Variants in BCL9L observed in about 807,000 individuals in gnomAD.
BCL9L encodes BCL9 like, also known as B-cell CLL/lymphoma 9-like protein.
BCL9L carries 19 observed loss-of-function variants against 99.4 expected under a neutral mutation model. That is an observed-to-expected ratio of 0.19 (90% CI 0.13 to 0.28). The LOEUF (loss-of-function observed/expected upper bound fraction) is 0.28. Among genes scored for constraint, BCL9L ranks in the 10% least tolerant of loss-of-function variants. The pLI is 1.00. For missense variants in BCL9L, 2,023 were observed against 2,101.6 expected (o/e 0.96, Z 0.73); for synonymous variants, 900 against 854.8 (o/e 1.05, Z -0.92).
chr11:118,902,605 G>A lies in BCL9L; in HGVS notation c.1138C>T (p.Leu380=), dbSNP rs1440428993. The stretch of plus-strand genomic sequence containing the variant: ...TTTCCAGGGGCGGCTGCCTCCCCCA[G>A]CAGGGCAGGGCCGGGGGCACTGCTG... ...DPSSAPGPAL[L]GEAAAPGNGQ... is the part of the protein sequence containing the mutation. The change falls in exon 8 of 10, where the codon CTG becomes TTG. Residue 380 remains leucine, a synonymous_variant. Coordinates refer to ENST00000683865, the MANE Select transcript of BCL9L (RefSeq NM_001378213.1). The surrounding 1 kb of genome is among the most constrained non-coding windows in gnomAD (Gnocchi z 7.8). The A allele has an allele frequency of 2.5e-6, 4 of 1,599,934 alleles. No individual in the cohort carries two copies. Among genetic ancestry groups the A allele is most frequent in the Middle Eastern group, 1.7e-4 (1 of 6,050 alleles).
chr11:118,919,886 G>A (rs542524183), intron 1 of BCL9L, among the ~76,000 whole-genome samples: 5 of 152,280 alleles, frequency 3.3e-5, no homozygotes, highest in African/African-American at 1.2e-4. Flanking sequence ...CTGCAGTGAC[G>A]TGTGTGCGTG....
chr11:118,924,466 C>T (rs1411759525), intron 1 of BCL9L, among the ~76,000 whole-genome samples: 1 of 151,854 alleles, frequency 6.6e-6, no homozygotes, highest in Non-Finnish European at 1.5e-5. Flanking sequence ...AGAGAGACAC[C>T]CTCCAGACTC....
chr11:118,903,519 CT>C lies in BCL9L; in HGVS notation c.533-68del. The C allele has an allele frequency of 6.6e-7, 1 of 1,512,328 alleles. No homozygotes were observed. Among genetic ancestry groups the C allele is most frequent in the Non-Finnish European group, 9.1e-7 (1 of 1,098,596 alleles). 93.7% of individuals were successfully genotyped at this position (1,512,328 alleles called of 1,614,324 possible). A position where few individuals can be genotyped will look rare whatever the true frequency, so the allele number is the denominator to read the frequency against. On this transcript the variant is annotated intron_variant, in intron 5 of 9. Coordinates refer to ENST00000683865, the MANE Select transcript of BCL9L (RefSeq NM_001378213.1). The surrounding 1 kb of genome is among the most constrained non-coding windows in gnomAD (Gnocchi z 5.6). ...TACAAGAAGGACCAGCTGATGCCCC[CT>C]CCCACTGATGCTCACAGCCTTACAG...
Position 118,903,263 on chromosome 11 carries a change from T to C in BCL9L, c.722A>G (p.Tyr241Cys), listed in dbSNP as rs1940363374. 6.3e-7 allele frequency: 1 copy of C among 1,588,422 alleles called. No homozygotes were observed. Among genetic ancestry groups the C allele is most frequent in the Non-Finnish European group, 8.6e-7 (1 of 1,169,570 alleles). The change falls in exon 6 of 10, where the codon TAT becomes TGT. Residue 241 changes from tyrosine to cysteine, a missense_variant. Coordinates refer to ENST00000683865, the MANE Select transcript of BCL9L (RefSeq NM_001378213.1). The surrounding 1 kb of genome is among the most constrained non-coding windows in gnomAD (Gnocchi z 5.6). ...VPGKPPSQFV[Y>C]VFTTHLANTA... is the part of the protein sequence containing the mutation. ...GTTGGCCAGGTGGGTGGTGAAGACA[T>C]ATACGAACTGCGAGGGAGGCTTTCC...
At chr11:118,923,270 C>T (rs1161835501) in intron 1 of BCL9L, among the ~76,000 whole-genome samples, 2 of 152,132 alleles carry the variant, frequency 1.3e-5, no homozygotes, top group Non-Finnish European at 2.9e-5. Flanking sequence ...CCAGGCATTC[C>T]AGCCCTTGCT....
chr11:118,912,086 C>T (rs947810240), intron 2 of BCL9L, among the ~76,000 whole-genome samples: 3 of 152,170 alleles, frequency 2.0e-5, no homozygotes, highest in Non-Finnish European at 4.4e-5. Flanking sequence ...TCAGGACTTT[C>T]CCATCTCACA....
chr11:118,903,194 G>T lies in BCL9L; in HGVS notation c.749+42C>A. On this transcript the variant is annotated intron_variant, in intron 6 of 9. Coordinates refer to ENST00000683865, the MANE Select transcript of BCL9L (RefSeq NM_001378213.1). This position sits in a 1 kb window ranked among gnomAD's most constrained non-coding sequence, Gnocchi z 5.6. ...GGAACCCCAGGCTGAGAGGTGCTGGGCAGAGAGAGAGAGAGACTTGGCCTG... is the reference window on the plus strand; with the variant it reads ...GGAACCCCAGGCTGAGAGGTGCTGGTCAGAGAGAGAGAGAGACTTGGCCTG... 1.3e-6 allele frequency: 2 copies of T among 1,572,402 alleles called. No homozygotes were observed. Among genetic ancestry groups the T allele is most frequent in the South Asian group, 1.2e-5 (1 of 86,174 alleles).
chr11:118,917,468 C>T (rs1039432034), intron 2 of BCL9L, among the ~76,000 whole-genome samples: 2 of 152,176 alleles, frequency 1.3e-5, no homozygotes, highest in African/African-American at 4.8e-5. Context: ...TTAAATAACT[C>T]GCCTAAGGCC....
chr11:118,910,070 G>C (rs984716357), intron 2 of BCL9L, 55 bp from the exon 3 acceptor site: 6 of 1,293,746 alleles, frequency 4.6e-6, no homozygotes, highest in East Asian at 2.5e-5. Context: ...GGGTGTCAGA[G>C]GGGGAGGGGA....
Position 118,914,975 on chromosome 11 carries a change from CA to C in BCL9L, c.-77+3850del, listed in dbSNP as rs1238281593. On this transcript the variant is annotated intron_variant, in intron 2 of 9. Coordinates refer to ENST00000683865, the MANE Select transcript of BCL9L (RefSeq NM_001378213.1). The surrounding 1 kb of genome is among the most constrained non-coding windows in gnomAD (Gnocchi z 4.4). ...TGATGGTGAAACCCTGTCTCTACTA[CA>C]AACACAAAAATTATCCAGACATGGT... is the stretch of plus-strand genomic sequence containing the variant. Among the ~76,000 whole-genome samples the C allele has an allele frequency of 6.6e-6, 1 of 152,164 alleles. No individual in the cohort carries two copies. Among genetic ancestry groups the C allele is most frequent in the Non-Finnish European group, 1.5e-5 (1 of 68,026 alleles).
In BCL9L at chr11:118,902,098, T is replaced by C. The variant is rs771991040; in HGVS notation, c.1645A>G (p.Met549Val). 1.2e-6 allele frequency: 2 copies of C among 1,613,910 alleles called. No homozygotes were observed. Among genetic ancestry groups the C allele is most frequent in the East Asian group, 2.2e-5 (1 of 44,848 alleles). Reference protein sequence around the residue: ...GLHGSRPLQDMMGMGGMMVRG... With the variant: ...GLHGSRPLQDVMGMGGMMVRG... ...ACCATCATGCCCCCCATGCCCATCA[T>C]GTCCTGCAGAGGACGGCTCCCATGC... Residue 549 changes from methionine (M) to valine (V), a missense_variant, in exon 8 of 10, where the codon ATG becomes GTG. Physicochemically the swap from Met to Val is conservative, Grantham distance 21 (BLOSUM62 1). Around this residue, in one of 3 missense-constraint regions of BCL9L, gnomAD observed 1,116 missense variants for 1,194.6 expected, o/e 0.93. Transcript: ENST00000683865. This position sits in a 1 kb window ranked among gnomAD's most constrained non-coding sequence, Gnocchi z 7.8.
intron 2 of BCL9L, chr11:118,911,430 C>T: frequency 2.8e-6 from 1 of 353,330 alleles, no homozygotes; most frequent in Non-Finnish European, 5.8e-6. Context: ...CCACTCCAGC[C>T]GTGTCTCTGG....
intron 2 of BCL9L, chr11:118,911,161 C>T (rs1940779770): frequency 6.7e-6 from 3 of 450,044 alleles, no homozygotes; most frequent in East Asian, 7.0e-5. Context: ...CTCACCCAAC[C>T]GCCCCCAGCC....
In BCL9L at chr11:118,900,326, A is replaced by C; in HGVS notation, c.3125-128T>G. 1.1e-5 allele frequency: 13 copies of C among 1,183,304 alleles called. No individual in the cohort carries two copies. Among genetic ancestry groups the C allele is most frequent in the Non-Finnish European group, 1.4e-5 (12 of 869,222 alleles). The allele number at this position is 1,183,304 out of a possible 1,614,324, so 73.3% of individuals were successfully genotyped here. ...CACCTGGTCCTTCAGACACACCCAC[A>C]GGCCCCCACTATCTCCAGAGCCCAC... On this transcript the variant is annotated intron_variant, in intron 8 of 9. Transcript: ENST00000683865. The surrounding 1 kb of genome is among the most constrained non-coding windows in gnomAD (Gnocchi z 5.3).
chr11:118,924,514 G>A (rs1444566801), intron 1 of BCL9L, among the ~76,000 whole-genome samples: 1 of 152,068 alleles, frequency 6.6e-6, no homozygotes, highest in Non-Finnish European at 1.5e-5. Context: ...CAGAAGGAGA[G>A]AGCAGCCCTC....
intron 2 of BCL9L, among the ~76,000 whole-genome samples, chr11:118,917,587 C>T (rs561159521): frequency 1.6e-4 from 25 of 152,280 alleles, no homozygotes; most frequent in African/African-American, 4.6e-4. Flanking sequence ...TGAACGATGA[C>T]GAAAGAAAGC....
intron 9 of BCL9L, 111 bp downstream of exon 9, chr11:118,899,806 C>A (rs1470265787): frequency 1.4e-5 from 20 of 1,417,274 alleles, no homozygotes; most frequent in South Asian, 4.1e-5. Context: ...CCTCCACCCC[C>A]ACACCCAGGG....
rs61753079 is a variant in BCL9L, at chr11:118,909,924, T to A, written c.16A>T (p.Asn6Tyr). The A allele has an allele frequency of 1.0e-4, 167 of 1,613,938 alleles. No individual in the cohort carries two copies. Among genetic ancestry groups the A allele is most frequent in the Non-Finnish European group, 1.3e-4 (155 of 1,179,956 alleles). Residue 6 changes from asparagine to tyrosine, a missense_variant, in exon 3 of 10, where the codon AAC becomes TAC. This residue lies in a region of BCL9L where 1,116 missense variants were observed against 1,194.6 expected (regional missense o/e 0.93). Transcript: ENST00000683865. ...ACGACACCCACACACCTTGTCTTGT[T>A]AGCCAGGATCCTCATGGCTCCCACA... MRILA[N>Y]KTRLPHPRRR...
In BCL9L at chr11:118,898,666, GCAGGCCAT is replaced by G. The variant is rs2137675168; in HGVS notation, c.4241_4248del (p.His1414ProfsTer100). 6.2e-7 allele frequency: 1 copy of G among 1,611,364 alleles called. No individual in the cohort carries two copies. Among genetic ancestry groups the G allele is most frequent in the African/African-American group, 1.3e-5 (1 of 75,044 alleles). ...TGTGGAGGGGACATGACCCCCTGGT[GCAGGCCAT>G]GGGGCACCATCCCCTGCTGTGGGGG... On this transcript the variant is annotated frameshift_variant, in exon 10 of 10. Transcript: ENST00000683865. LOFTEE classifies it high-confidence loss of function.
Sources: allele counts gnomAD v4.1 joint callset (sites outside exome capture counted in the v4.1 genomes callset), GRCh38; gene constraint gnomAD v4.1.1; regional missense constraint gnomAD v4.1.1; non-coding constraint Gnocchi (gnomAD v3.1); transcripts MANE v1.5; gene names NCBI Gene and HGNC (gene_info 2026-07-23, HGNC 2026-07-21).